Variants in MRPS28 observed in about 807,000 individuals in gnomAD.
MRPS28 encodes the protein mitochondrial ribosomal protein S28.
MRPS28 carries 7 observed loss-of-function variants against 10.8 expected under a neutral mutation model. The observed-to-expected ratio is 0.65, with a 90% CI of 0.37 to 1.22. The LOEUF (loss-of-function observed/expected upper bound fraction) is 1.22. Among genes scored for constraint, MRPS28 ranks in the 50% most tolerant of loss-of-function variants. The pLI is 0.02. For synonymous variants in MRPS28, 121 were observed against 93.3 expected (o/e 1.30, Z -1.71); for missense variants, 265 against 232.9 (o/e 1.14, Z -0.90).
intron 2 of MRPS28, among the ~76,000 whole-genome samples, chr8:79,989,047 C>T (rs76533227): frequency 0.017 from 2,625 of 152,192 alleles, 74 homozygotes; most frequent in African/African-American, 0.058. Context: ...TAAGCAGAAA[C>T]TAGTGGGCAG....
intron 1 of MRPS28, among the ~76,000 whole-genome samples, chr8:80,029,015 G>A (rs1039814875): frequency 6.6e-6 from 1 of 151,998 alleles, no homozygotes; most frequent in Non-Finnish European, 1.5e-5. Context: ...AACAGAGGCA[G>A]AAAAGACAGG....
intron 2 of MRPS28, among the ~76,000 whole-genome samples, chr8:79,919,995 G>A (rs1288856743): frequency 7.6e-6 from 1 of 131,166 alleles, no homozygotes; most frequent in Non-Finnish European, 1.5e-5. Flanking sequence ...CTGTGTCCAT[G>A]TGTTCTCATT....
chr8:79,937,666 A>G (rs1190865850), intron 2 of MRPS28, among the ~76,000 whole-genome samples: 2 of 152,244 alleles, frequency 1.3e-5, no homozygotes, highest in Non-Finnish European at 2.9e-5. Context: ...TAAATCAAAG[A>G]CAATGCAGAC....
chr8:79,953,790 C>T (rs1807137750), intron 2 of MRPS28, among the ~76,000 whole-genome samples: 1 of 151,942 alleles, frequency 6.6e-6, no homozygotes, highest in South Asian at 2.1e-4. Flanking sequence ...TGTAAGTAAC[C>T]AAGAAAGGGT....
At chr8:79,963,618 C>G (rs1807427014) in intron 2 of MRPS28, among the ~76,000 whole-genome samples, 1 of 152,126 alleles carries the variant, frequency 6.6e-6, no homozygotes, top group South Asian at 2.1e-4. Flanking sequence ...GTACAATAGG[C>G]CTTGCCTCAA....
At chr8:80,011,645 C>A (rs1809053515) in intron 1 of MRPS28, among the ~76,000 whole-genome samples, 1 of 151,982 alleles carries the variant, frequency 6.6e-6, no homozygotes, top group South Asian at 2.1e-4. Context: ...CCCAGCTACT[C>A]AGGAAGCTGA....
At chr8:80,003,383 A>G (rs571703574) in intron 1 of MRPS28, among the ~76,000 whole-genome samples, 1 of 152,328 alleles carries the variant, frequency 6.6e-6, no homozygotes, top group Admixed American at 6.5e-5. Context: ...GTAGGCATCA[A>G]GGTGGAGCAC....
intron 2 of MRPS28, among the ~76,000 whole-genome samples, chr8:79,998,043 A>G (rs1808552520): frequency 7.0e-6 from 1 of 143,716 alleles, no homozygotes; most frequent in African/African-American, 2.5e-5. Flanking sequence ...TGACAGAACA[A>G]GACTCTGTCT....
chr8:79,977,371 C>T (rs1174738658), intron 2 of MRPS28, among the ~76,000 whole-genome samples: 2 of 152,098 alleles, frequency 1.3e-5, no homozygotes, highest in African/African-American at 4.8e-5. Flanking sequence ...TCCAATTTTA[C>T]TAATTTGGCT....
intron 2 of MRPS28, among the ~76,000 whole-genome samples, chr8:79,933,766 T>C (rs1806532304): frequency 1.3e-5 from 2 of 152,152 alleles, no homozygotes; most frequent in African/African-American, 4.8e-5. Context: ...TTAAATTTTA[T>C]AGAATAAGCT....
intron 2 of MRPS28, among the ~76,000 whole-genome samples, chr8:79,933,481 G>T (rs903449013): frequency 6.6e-6 from 1 of 152,134 alleles, no homozygotes; most frequent in South Asian, 2.1e-4. Context: ...AATTTTGGGG[G>T]GATAAAACTC....
At chr8:79,991,919 T>G (rs1042724396) in intron 2 of MRPS28, among the ~76,000 whole-genome samples, 2 of 14,160 alleles carry the variant, frequency 1.4e-4, no homozygotes, top group South Asian at 4.6e-3. Flanking sequence ...GCTCTCTCTC[T>G]CTCTCTCTCT....
intron 1 of MRPS28, among the ~76,000 whole-genome samples, chr8:80,009,095 A>T (rs1808952030): frequency 6.6e-6 from 1 of 152,252 alleles, no homozygotes; most frequent in East Asian, 1.9e-4. Context: ...CTATGCAGCC[A>T]TAAAAAAGGA....
chr8:79,967,330 T>C (rs923517938), intron 2 of MRPS28, among the ~76,000 whole-genome samples: 1 of 152,182 alleles, frequency 6.6e-6, no homozygotes, highest in Non-Finnish European at 1.5e-5. Flanking sequence ...GCATATAATA[T>C]GGCTACTCAA....
chr8:80,010,039 A>T (rs1260691815), intron 1 of MRPS28, among the ~76,000 whole-genome samples: 3 of 152,228 alleles, frequency 2.0e-5, no homozygotes, highest in African/African-American at 4.8e-5. Context: ...TAAATTCCAA[A>T]AGAAAAACAG....
intron 1 of MRPS28, among the ~76,000 whole-genome samples, chr8:80,005,980 T>C (rs1441283274): frequency 1.3e-5 from 2 of 152,196 alleles, no homozygotes; most frequent in Non-Finnish European, 2.9e-5. Context: ...CCCAGATTCA[T>C]AAAGCAAGTC....
intron 2 of MRPS28, among the ~76,000 whole-genome samples, chr8:79,934,494 C>A (rs1806553040): frequency 6.6e-6 from 1 of 152,120 alleles, no homozygotes; most frequent in Non-Finnish European, 1.5e-5. Flanking sequence ...AATTTCAATC[C>A]TTAAAGTTTA....
intron 2 of MRPS28, among the ~76,000 whole-genome samples, chr8:79,938,530 T>C (rs551505853): frequency 6.6e-6 from 1 of 151,806 alleles, no homozygotes; most frequent in African/African-American, 2.4e-5. Flanking sequence ...AAAAATAAAA[T>C]TGAGATACCT....
intron 2 of MRPS28, among the ~76,000 whole-genome samples, chr8:79,982,580 C>T (rs974070552): frequency 8.5e-5 from 13 of 152,290 alleles, no homozygotes; most frequent in Middle Eastern, 3.4e-3. Context: ...GCTTTTCCGA[C>T]GGTCTTAAAA....
Sources: gnomAD v4.1 joint callset for allele counts (sites outside exome capture counted in the v4.1 genomes callset) on GRCh38, gnomAD v4.1.1 for gene constraint, MANE v1.5 for transcripts, NCBI Gene and HGNC (gene_info 2026-07-23, HGNC 2026-07-21) for gene names.